Variants in ODF2L observed in about 807,000 individuals in gnomAD.
ODF2L encodes the protein protein BCAP.
ODF2L carries 76 observed loss-of-function variants against 86.3 expected under a neutral mutation model. The observed-to-expected ratio is 0.88, with a 90% CI of 0.73 to 1.07. The LOEUF is 1.07. Among genes scored for constraint, ODF2L ranks in the 50% least tolerant of loss-of-function variants. The pLI is 0.00. For synonymous variants in ODF2L, 241 were observed against 231.3 expected (o/e 1.04, Z -0.38); for missense variants, 748 against 717.4 (o/e 1.04, Z -0.49).
chr1:86,364,948 A>C (rs938165993), intron 11 of ODF2L, among the ~76,000 whole-genome samples: 1 of 152,192 alleles, frequency 6.6e-6, no homozygotes, highest in African/African-American at 2.4e-5. Context: ...ATATAAAAGA[A>C]ACTTCCCTAG....
intron 9 of ODF2L, 60 bp downstream of exon 9, chr1:86,372,371 G>T (rs1444639316): frequency 3.8e-6 from 3 of 788,616 alleles, no homozygotes; most frequent in African/African-American, 1.8e-5. Flanking sequence ...ACAACTCAAA[G>T]AATTTTTTAA....
chr1:86,382,375 G>A lies in ODF2L; in HGVS notation c.508-17C>T, dbSNP rs569436981. 4 of 1,605,660 alleles carry A rather than the reference G, an allele frequency of 2.5e-6. No individual in the cohort carries two copies. Among genetic ancestry groups the A allele is most frequent in the East Asian group, 2.2e-5 (1 of 44,616 alleles). On this transcript the variant is annotated splice_polypyrimidine_tract_variant and intron_variant, in intron 6 of 17. Transcript: ENST00000317336. Reference sequence around the variant, plus strand: ...AGTATTTGCCTGTAACAAAGAGAAAGAGAAAACCAAAAAAATCCATATTAT... The same window carrying A: ...AGTATTTGCCTGTAACAAAGAGAAAAAGAAAACCAAAAAAATCCATATTAT...
exon 18 of ODF2L, chr1:86,352,125 T>C (rs554394774): frequency 1.1e-5 from 16 of 1,473,660 alleles, no homozygotes; most frequent in Non-Finnish European, 1.3e-5. Flanking sequence ...ATGCCAAAAA[T>C]CATTTAACTC....
chr1:86,393,429 G>C (rs1661471095), intron 1 of ODF2L, among the ~76,000 whole-genome samples: 1 of 151,064 alleles, frequency 6.6e-6, no homozygotes, highest in South Asian at 2.1e-4. Context: ...GCAAAAAGCT[G>C]GAAAATAAAT....
At chr1:86,352,783 C>T (rs1424213618) in intron 17 of ODF2L, 76 bp downstream of exon 16, 3 of 856,944 alleles carry the variant, frequency 3.5e-6, no homozygotes, top group Non-Finnish European at 5.4e-6. Context: ...ACTTGATTCA[C>T]TCACTTTGTA....
At chr1:86,388,008 T>C (rs538282242) in intron 1 of ODF2L, among the ~76,000 whole-genome samples, 2 of 152,176 alleles carry the variant, frequency 1.3e-5, no homozygotes, top group Non-Finnish European at 2.9e-5. Flanking sequence ...TCAGAAACCT[T>C]CCAAAGTGTC....
rs997419272 is a variant in ODF2L, at chr1:86,358,037, T to C, written c.1359+750A>G. The C allele has an allele frequency of 1.6e-5, 16 of 985,112 alleles. No individual in the cohort carries two copies. The African/African-American group carries it at 2.6e-4, about 16-fold the overall frequency. The allele number at this position is 985,112 out of a possible 1,614,324, so 61.0% of individuals were successfully genotyped here. A position where few individuals can be genotyped will look rare whatever the true frequency, so the allele number is the denominator to read the frequency against. ...ATTCAGTGAGCTATCTTTATGTCTG[T>C]ATAACTGGAGGACGCTTGCTCTGGC... On this transcript the variant is annotated intron_variant, in intron 13 of 17. Coordinates refer to ENST00000317336, the Ensembl canonical transcript of ODF2L.
At chr1:86,364,446 T>C (rs1420776989) in intron 11 of ODF2L, among the ~76,000 whole-genome samples, 1 of 152,178 alleles carries the variant, frequency 6.6e-6, no homozygotes, top group East Asian at 1.9e-4. Context: ...GGCATTCCAA[T>C]GTGTAAGAAC....
At chr1:86,353,113 T>G in intron 16 of ODF2L, 129 bp from the exon 16 acceptor site, 1 of 634,238 alleles carries the variant, frequency 1.6e-6, no homozygotes, top group Non-Finnish European at 2.7e-6. Context: ...TTAAAGATGT[T>G]CTATCTTGAA....
At chr1:86,368,447 A>C (rs964355817) in intron 11 of ODF2L, among the ~76,000 whole-genome samples, 2 of 152,164 alleles carry the variant, frequency 1.3e-5, no homozygotes, top group Non-Finnish European at 2.9e-5. Flanking sequence ...AGATATGCAG[A>C]TAACTATCAG....
In ODF2L at chr1:86,356,541, G is replaced by A. The variant is rs755434183; in HGVS notation, c.1421C>T (p.Ala474Val). The A allele has an allele frequency of 1.8e-5, 29 of 1,613,832 alleles. No homozygotes were observed. Among genetic ancestry groups the A allele is most frequent in the South Asian group, 7.7e-5 (7 of 91,068 alleles). Reference sequence around the variant, plus strand: ...ACACTCGTGAAGCCTCCGTTCCGCCGCCGTCAAGGAATCGCAGACACGCTC... The same window carrying A: ...ACACTCGTGAAGCCTCCGTTCCGCCACCGTCAAGGAATCGCAGACACGCTC... Residue 474 changes from alanine to valine, a missense_variant, in exon 14 of 18, where the codon GCG becomes GTG. Physicochemically the swap from Ala to Val is moderately conservative, Grantham distance 64. Coordinates refer to ENST00000317336, the Ensembl canonical transcript of ODF2L.
chr1:86,383,672 T>C (rs1388602795), intron 4 of ODF2L, among the ~76,000 whole-genome samples: 1 of 151,810 alleles, frequency 6.6e-6, no homozygotes, highest in Non-Finnish European at 1.5e-5. Flanking sequence ...ACTTCTGCTT[T>C]AGAATGTGAA....
intron 8 of ODF2L, among the ~76,000 whole-genome samples, chr1:86,373,099 C>G (rs1173120158): frequency 2.6e-5 from 4 of 151,836 alleles, no homozygotes; most frequent in Non-Finnish European, 5.9e-5. Context: ...ACGACCTGTC[C>G]CCTAAAAACT....
At position 86,355,425 on chromosome 1, in the gene ODF2L, T is replaced by A. The variant is rs768936397; in HGVS notation, c.1519-566A>T. Reference sequence around the variant, plus strand: ...AAGAAGCTTTGATTCAAGGAAAAAATTTTTTTCTCATAATTTCAATTAGTA... The same window carrying A: ...AAGAAGCTTTGATTCAAGGAAAAAAATTTTTTCTCATAATTTCAATTAGTA... On this transcript the variant is annotated intron_variant, in intron 14 of 17. Coordinates refer to ENST00000317336, the Ensembl canonical transcript of ODF2L. 77 of 1,228,302 alleles carry A rather than the reference T, an allele frequency of 6.3e-5. 1 individual carries two copies. The highest frequency in any genetic ancestry group is 3.7e-4 in the Middle Eastern group (2 of 5,334). The allele number at this position is 1,228,302 out of a possible 1,614,324, so 76.1% of individuals were successfully genotyped here. A position where few individuals can be genotyped will look rare whatever the true frequency, so the allele number is the denominator to read the frequency against.
chr1:86,380,834 A>T (rs1239588816), intron 7 of ODF2L, among the ~76,000 whole-genome samples: 1 of 152,094 alleles, frequency 6.6e-6, no homozygotes, highest in African/African-American at 2.4e-5. Flanking sequence ...GGTGGAAGGC[A>T]TCTGTGGGAT....
intron 11 of ODF2L, among the ~76,000 whole-genome samples, chr1:86,366,411 C>G (rs1659428626): frequency 7.1e-6 from 1 of 140,706 alleles, no homozygotes. Flanking sequence ...CACACACACA[C>G]ACACACACAC....
At chr1:86,384,086 T>A (rs1187681208) in intron 4 of ODF2L, among the ~76,000 whole-genome samples, 3 of 151,832 alleles carry the variant, frequency 2.0e-5, no homozygotes, top group Non-Finnish European at 4.4e-5. Flanking sequence ...TCTATGAGCA[T>A]GTAACTTTTT....
At position 86,370,094 on chromosome 1, in the gene ODF2L, C is replaced by T. The variant is rs77773713; in HGVS notation, c.1056+924G>A. ...CCAAGAAACAAGTGCATTTCTAATG[C>T]AAAACAAACAAAGAAAAACAAACCT... On this transcript the variant is annotated intron_variant, in intron 10 of 17. Coordinates refer to ENST00000317336, the Ensembl canonical transcript of ODF2L. Among the ~76,000 whole-genome samples, 157 of 150,046 alleles carry T rather than the reference C, an allele frequency of 1.0e-3. 2 individuals are homozygous for T. In the East Asian group the frequency reaches 0.026, roughly 25 times the overall value.
chr1:86,354,823 G>C, exon 15 of ODF2L: 6 of 1,606,738 alleles, frequency 3.7e-6, no homozygotes, highest in Non-Finnish European at 5.1e-6. Context: ...TCCTCTTCCA[G>C]AGAAAGCTTT....
Sources: gnomAD v4.1 joint callset for allele counts (sites outside exome capture counted in the v4.1 genomes callset) on GRCh38, gnomAD v4.1.1 for gene constraint, MANE v1.5 for transcripts, NCBI Gene and HGNC (gene_info 2026-07-23, HGNC 2026-07-21) for gene names.